The following CAMTA1 variants were observed in gnomAD, a reference collection of about 807,000 sequenced individuals.
CAMTA1 encodes calmodulin binding transcription activator 1.
CAMTA1 carries 27 observed loss-of-function variants against 170.9 expected under a neutral mutation model. The ratio of observed to expected loss-of-function variants is 0.16; its 90% CI spans 0.12 to 0.22. The LOEUF is 0.22. Ranked by LOEUF, CAMTA1 falls within the 10% of genes least tolerant of loss-of-function variation. The probability of loss-of-function intolerance (pLI) is 1.00; values close to 1 mark genes in which losing one functional copy is unlikely to be tolerated. For synonymous variants in CAMTA1, 833 were observed against 891.5 expected, an observed-to-expected ratio of 0.93 and a Z score of 1.17; for missense variants, 1,619 against 2,217.2, an observed-to-expected ratio of 0.73 and a Z score of 5.42.
At chr1:7,756,989 A>G (rs908938642) in intron 22 of CAMTA1, among the ~76,000 whole-genome samples, 4 of 152,244 alleles carry the variant, frequency 2.6e-5, no homozygotes, top group Non-Finnish European at 4.4e-5. Context: ...AAATTATAAC[A>G]TGGGAATTTT....
chr1:7,197,935 G>T (rs1655874413), intron 4 of CAMTA1, among the ~76,000 whole-genome samples: 1 of 151,822 alleles, frequency 6.6e-6, no homozygotes, highest in African/African-American at 2.4e-5. Context: ...ACAGCTCATT[G>T]TCCCGAATGA....
chr1:7,467,068 A>G (rs929319168), intron 5 of CAMTA1, among the ~76,000 whole-genome samples: 9 of 151,948 alleles, frequency 5.9e-5, no homozygotes, highest in East Asian at 1.9e-4. Flanking sequence ...GCCAGCCCCA[A>G]TGACCCCACC....
At position 7,757,023 on chromosome 1, in the gene CAMTA1, A is replaced by G. The variant is rs972635338; in HGVS notation, c.4989+1355A>G. Among the ~76,000 whole-genome samples, 5 of 152,200 alleles carry G rather than the reference A, an allele frequency of 3.3e-5. No individual in the cohort carries two copies. In the South Asian group the frequency reaches 6.2e-4, roughly 19 times the overall value. Reference sequence around the variant, plus strand: ...TTCTCTATCAACTCAACTATATTCAATGCCCCCTCTTCTTAACCTTACACT... The same window carrying G: ...TTCTCTATCAACTCAACTATATTCAGTGCCCCCTCTTCTTAACCTTACACT... On this transcript the variant is annotated intron_variant, in intron 22 of 22. Transcript: ENST00000303635.
chr1:7,269,071 A>G (rs1280822171), intron 5 of CAMTA1, among the ~76,000 whole-genome samples: 4 of 152,214 alleles, frequency 2.6e-5, no homozygotes, highest in Non-Finnish European at 4.4e-5. Context: ...AAAACAACAC[A>G]CATTTATGAT....
chr1:7,672,083 C>T (rs551445181), intron 10 of CAMTA1: 11 of 455,950 alleles, frequency 2.4e-5, no homozygotes, highest in Non-Finnish European at 4.8e-5. Context: ...TCCAGTGAGC[C>T]CTGACCATAA....
rs149942805 is a variant in CAMTA1, at chr1:7,675,275, C to T, written c.2780-2324C>T. Among the ~76,000 whole-genome samples the T allele has an allele frequency of 4.3e-3, 651 of 152,260 alleles. 4 individuals are homozygous for T. The highest frequency in any genetic ancestry group is 0.015 in the African/African-American group (632 of 41,550). On this transcript the variant is annotated intron_variant, in intron 10 of 22. Coordinates refer to ENST00000303635, the MANE Select transcript of CAMTA1 (RefSeq NM_015215.4). ...AGGATAGTGAGTGGGGTACGGGGAG[C>T]TGAATACAGTAAGACTGGAGATGAT... is the stretch of plus-strand genomic sequence containing the variant.
chr1:7,398,181 CTCTCTCTCTCTCTATATATATATATATAT>C (rs2089519597), intron 5 of CAMTA1, among the ~76,000 whole-genome samples: 1 of 45,578 alleles, frequency 2.2e-5, no homozygotes, highest in African/African-American at 8.4e-5. Context: ...CTCTCTCTCT[CTCTCTCTCTCTCTATATATATATATATAT>C]ATATATATAT....
intron 6 of CAMTA1, among the ~76,000 whole-genome samples, chr1:7,535,078 C>T (rs183590825): frequency 6.6e-6 from 1 of 152,164 alleles, no homozygotes; most frequent in Non-Finnish European, 1.5e-5. Context: ...CGCCCCACCC[C>T]GGGCCAGCCA....
At chr1:6,912,404 A>G (rs1009398616) in intron 3 of CAMTA1, among the ~76,000 whole-genome samples, 3 of 152,214 alleles carry the variant, frequency 2.0e-5, no homozygotes, top group African/African-American at 4.8e-5. Context: ...TGTCTTGCTA[A>G]TGGGACACTA....
chr1:7,334,952 C>T (rs2083259215), intron 5 of CAMTA1, among the ~76,000 whole-genome samples: 1 of 152,194 alleles, frequency 6.6e-6, no homozygotes, highest in African/African-American at 2.4e-5. Context: ...AGGAAGCTCT[C>T]ATTTTGCACT....
intron 6 of CAMTA1, among the ~76,000 whole-genome samples, chr1:7,579,336 C>A (rs1183645861): frequency 6.6e-6 from 1 of 152,208 alleles, no homozygotes; most frequent in African/African-American, 2.4e-5. Context: ...ACAGCAACAA[C>A]CGTCACGATG....
intron 10 of CAMTA1, among the ~76,000 whole-genome samples, chr1:7,675,952 G>T (rs1446455741): frequency 6.6e-6 from 1 of 152,234 alleles, no homozygotes; most frequent in South Asian, 2.1e-4. Context: ...GCTGCAGGTT[G>T]TGCACTTGCC....
chr1:6,978,714 C>T (rs1186448002), intron 3 of CAMTA1, among the ~76,000 whole-genome samples: 1 of 151,002 alleles, frequency 6.6e-6, no homozygotes, highest in Non-Finnish European at 1.5e-5. Flanking sequence ...AATGCACCTG[C>T]AAAAATTAAA....
chr1:7,110,486 G>A (rs185698659), intron 4 of CAMTA1, among the ~76,000 whole-genome samples: 2 of 152,206 alleles, frequency 1.3e-5, no homozygotes, highest in Admixed American at 6.5e-5. Flanking sequence ...ACCCAGTTCA[G>A]CTCCTTGCCT....
At chr1:7,574,984 G>A (rs2095173510) in intron 6 of CAMTA1, among the ~76,000 whole-genome samples, 2 of 152,226 alleles carry the variant, frequency 1.3e-5, no homozygotes, top group Admixed American at 6.5e-5. Context: ...CGCATGTTGA[G>A]CTCTGGGCTG....
intron 3 of CAMTA1, among the ~76,000 whole-genome samples, chr1:6,939,978 G>A (rs1428216501): frequency 6.6e-6 from 1 of 152,286 alleles, no homozygotes; most frequent in Non-Finnish European, 1.5e-5. Flanking sequence ...CCACTGGACT[G>A]TGAGCTCCTC....
At chr1:7,520,442 GGCCAGCAGGATACA>G (rs2094350258) in intron 6 of CAMTA1, among the ~76,000 whole-genome samples, 1 of 150,544 alleles carries the variant, frequency 6.6e-6, no homozygotes, top group African/African-American at 2.4e-5. Flanking sequence ...AGGGAGGTGG[GGCCAGCAGGATACA>G]GCCTTGGGTT....
At chr1:7,628,415 T>G (rs900662749) in intron 6 of CAMTA1, among the ~76,000 whole-genome samples, 1 of 152,068 alleles carries the variant, frequency 6.6e-6, no homozygotes, top group Non-Finnish European at 1.5e-5. Flanking sequence ...GTTGGAGAGG[T>G]GGCTGGATTG....
At chr1:7,433,508 T>C (rs1183705699) in intron 5 of CAMTA1, among the ~76,000 whole-genome samples, 1 of 152,040 alleles carries the variant, frequency 6.6e-6, no homozygotes, top group Non-Finnish European at 1.5e-5. Flanking sequence ...TACCCACTTC[T>C]CAGGGAGGGG....
Sources: gnomAD v4.1 joint callset for allele counts (sites outside exome capture counted in the v4.1 genomes callset) on GRCh38, gnomAD v4.1.1 for gene constraint, MANE v1.5 for transcripts, NCBI Gene and HGNC (gene_info 2026-07-23, HGNC 2026-07-21) for gene names.